DOCK1: variants seen among roughly 807,000 people sequenced by gnomAD.
DOCK1 encodes dedicator of cytokinesis protein 1.
DOCK1 carries 138 observed loss-of-function variants against 262.7 expected under a neutral mutation model. That is an observed-to-expected ratio of 0.53 (90% CI 0.46 to 0.61). The LOEUF (loss-of-function observed/expected upper bound fraction) is 0.61. Among genes scored for constraint, DOCK1 ranks in the 20% least tolerant of loss-of-function variants. DOCK1 has a pLI of 0.00. For missense variants in DOCK1, 1,908 were observed against 2,370.7 expected, an observed-to-expected ratio of 0.80 and a Z score of 4.05; for synonymous variants, 866 against 867.4, an observed-to-expected ratio of 1.00 and a Z score of 0.03.
chr10:127,219,219 T>G (rs1441359542), intron 27 of DOCK1, among the ~76,000 whole-genome samples: 1 of 152,190 alleles, frequency 6.6e-6, no homozygotes, highest in Admixed American at 6.5e-5. Flanking sequence ...TCATCTTGGG[T>G]GGAAGTGCAG....
chr10:127,263,347 A>C (rs1026092883), intron 29 of DOCK1, among the ~76,000 whole-genome samples: 2 of 152,260 alleles, frequency 1.3e-5, no homozygotes, highest in African/African-American at 4.8e-5. Context: ...ATGTGTATAT[A>C]TAGATTGCCT....
intron 29 of DOCK1, among the ~76,000 whole-genome samples, chr10:127,321,040 A>G (rs74158663): frequency 0.033 from 5,033 of 152,172 alleles, 287 homozygotes; most frequent in African/African-American, 0.11. Context: ...GCAGTTATCA[A>G]TGGTGTCCTC....
chr10:127,151,586 G>T (rs544525585), intron 27 of DOCK1, among the ~76,000 whole-genome samples: 2 of 152,208 alleles, frequency 1.3e-5, no homozygotes, highest in South Asian at 4.1e-4. Context: ...GCAGGCTACC[G>T]AGGGCCACAT....
chr10:127,126,193 C>T (rs904156172), intron 26 of DOCK1, among the ~76,000 whole-genome samples: 2 of 151,718 alleles, frequency 1.3e-5, no homozygotes, highest in Non-Finnish European at 2.9e-5. Context: ...CTCCCGGGTT[C>T]AAGTGATTCT....
At chr10:127,396,285 T>C (rs992187495) in intron 38 of DOCK1, among the ~76,000 whole-genome samples, 1 of 152,218 alleles carries the variant, frequency 6.6e-6, no homozygotes, top group African/African-American at 2.4e-5. Context: ...GCTGCAGTGA[T>C]GTTTGTTGAC....
intron 29 of DOCK1, among the ~76,000 whole-genome samples, chr10:127,288,438 C>T (rs906990270): frequency 6.6e-6 from 1 of 152,056 alleles, no homozygotes; most frequent in African/African-American, 2.4e-5. Context: ...TCATTCTTTC[C>T]AAGCCTTTTA....
At chr10:127,451,081 A>G (rs936915872) in intron 51 of DOCK1, among the ~76,000 whole-genome samples, 18 of 152,186 alleles carry the variant, frequency 1.2e-4, no homozygotes, top group African/African-American at 3.9e-4. Flanking sequence ...GCAAAGGGCA[A>G]TGGTACCTCT....
chr10:127,123,196 TA>T (rs1564819357), intron 25 of DOCK1, among the ~76,000 whole-genome samples: 1 of 152,216 alleles, frequency 6.6e-6, no homozygotes, highest in Non-Finnish European at 1.5e-5. Context: ...TTTTTTTCCT[TA>T]GTCACATTGT....
intron 29 of DOCK1, among the ~76,000 whole-genome samples, chr10:127,292,595 A>G (rs1386659576): frequency 6.6e-6 from 1 of 152,110 alleles, no homozygotes; most frequent in African/African-American, 2.4e-5. Context: ...GTAACTGACA[A>G]ATTGCAGGTG....
intron 35 of DOCK1, among the ~76,000 whole-genome samples, chr10:127,376,462 A>G (rs1407827551): frequency 1.3e-5 from 2 of 152,224 alleles, no homozygotes. Flanking sequence ...GAGACTGACC[A>G]AGTGGTACAG....
intron 1 of DOCK1, among the ~76,000 whole-genome samples, chr10:126,906,158 G>A (rs949417232): frequency 6.6e-6 from 1 of 152,206 alleles, no homozygotes; most frequent in Non-Finnish European, 1.5e-5. Flanking sequence ...GAAGGCGAGC[G>A]GCCGAGCGCC....
At chr10:127,207,202 C>G (rs2057764642) in intron 27 of DOCK1, among the ~76,000 whole-genome samples, 1 of 152,200 alleles carries the variant, frequency 6.6e-6, no homozygotes, top group South Asian at 2.1e-4. Context: ...AGTTCTAGAG[C>G]TTTATGAGAA....
At chr10:127,316,265 C>G (rs2062277233) in intron 29 of DOCK1, among the ~76,000 whole-genome samples, 1 of 152,146 alleles carries the variant, frequency 6.6e-6, no homozygotes, top group African/African-American at 2.4e-5. Flanking sequence ...TTGACTTGTT[C>G]ATGGACAGAC....
chr10:127,380,667 T>C (rs546324411), intron 36 of DOCK1, among the ~76,000 whole-genome samples: 66 of 152,350 alleles, frequency 4.3e-4, no homozygotes, highest in African/African-American at 1.6e-3. Flanking sequence ...CCTTCTCTCT[T>C]GGTTACTTCT....
intron 23 of DOCK1, among the ~76,000 whole-genome samples, chr10:127,092,192 C>T (rs2047576550): frequency 6.6e-6 from 1 of 152,186 alleles, no homozygotes. Context: ...ACCGTAGACA[C>T]AGGAGTGGCC....
At chr10:127,108,182 A>G (rs924512763) in intron 24 of DOCK1, among the ~76,000 whole-genome samples, 1 of 152,248 alleles carries the variant, frequency 6.6e-6, no homozygotes, top group African/African-American at 2.4e-5. Context: ...TTCATGTTTT[A>G]ATAAACAGAA....
At chr10:127,272,693 T>A (rs1312487396) in intron 29 of DOCK1, among the ~76,000 whole-genome samples, 1 of 152,226 alleles carries the variant, frequency 6.6e-6, no homozygotes, top group African/African-American at 2.4e-5. Flanking sequence ...GTGTTCACGC[T>A]GCTGATAAAG....
chr10:126,931,338 T>C (rs1333322949), intron 1 of DOCK1, among the ~76,000 whole-genome samples: 1 of 152,130 alleles, frequency 6.6e-6, no homozygotes, highest in Non-Finnish European at 1.5e-5. Context: ...TTGCACGCTG[T>C]GCAGCTGTGA....
intron 27 of DOCK1, among the ~76,000 whole-genome samples, chr10:127,197,644 G>T (rs761671354): frequency 6.6e-6 from 1 of 152,120 alleles, no homozygotes; most frequent in Non-Finnish European, 1.5e-5. Flanking sequence ...AGGACAAATG[G>T]AAAGTCCCTT....
Sources: allele counts gnomAD v4.1 joint callset (sites outside exome capture counted in the v4.1 genomes callset), GRCh38; gene constraint gnomAD v4.1.1; transcripts MANE v1.5; gene names NCBI Gene and HGNC (gene_info 2026-07-23, HGNC 2026-07-21).